MKNK1: variants seen among roughly 807,000 people sequenced by gnomAD.
MKNK1 encodes the protein MAP kinase-interacting serine/threonine-protein kinase 1.
Under a neutral mutation model 49.3 loss-of-function variants are expected in MKNK1, and 30 were observed. That is an observed-to-expected ratio of 0.61 (90% CI 0.46 to 0.83). MKNK1 has a LOEUF of 0.83. Among genes scored for constraint, MKNK1 ranks in the 40% least tolerant of loss-of-function variants. The pLI is 0.00. For synonymous variants in MKNK1, 176 were observed against 201.7 expected, an observed-to-expected ratio of 0.87 and a Z score of 1.08; for missense variants, 423 against 524.7, an observed-to-expected ratio of 0.81 and a Z score of 1.89.
chr1:46,580,537 G>A lies in MKNK1; in HGVS notation c.191C>T (p.Ala64Val), dbSNP rs1671576665. ...TTCAGCTGAGACACTCACTTTGACGGCATACTCTTTGCCATTCTGTAGGCT... is the reference window on the plus strand; with the variant it reads ...TTCAGCTGAGACACTCACTTTGACGACATACTCTTTGCCATTCTGTAGGCT... Reference protein sequence around the residue: ...AVSLQNGKEYAVKIIEKQAGH... With the variant: ...AVSLQNGKEYVVKIIEKQAGH... Residue 64 changes from alanine to valine, a missense_variant, in exon 4 of 13, where the codon GCC (alanine) becomes GTC (valine). Ala to Val is a moderately conservative substitution (Grantham distance 64). Transcript: ENST00000371945. The A allele has an allele frequency of 6.2e-7, 1 of 1,611,584 alleles. No individual in the cohort carries two copies.
chr1:46,582,813 C>T, intron 3 of MKNK1: 1 of 459,394 alleles, frequency 2.2e-6, no homozygotes, highest in South Asian at 1.6e-5. Context: ...TCTCTGCTTA[C>T]AGGAGACTGA....
At chr1:46,559,672 G>A (rs148295479) in intron 12 of MKNK1, 1 of 157,264 alleles carries the variant, frequency 6.4e-6, no homozygotes, top group African/African-American at 2.4e-5. Context: ...TGAGACAGAT[G>A]CTTGCTCTGT....
chr1:46,575,066 A>G (rs765598641), intron 5 of MKNK1, 46 bp from the exon 6 acceptor site: 2 of 1,258,520 alleles, frequency 1.6e-6, no homozygotes, highest in Non-Finnish European at 2.3e-6. Flanking sequence ...GGGAAATGGT[A>G]TTATATATTA....
At position 46,577,485 on chromosome 1, in the gene MKNK1, T is replaced by A. The variant is rs1000588784; in HGVS notation, c.199-831A>T. Among the ~76,000 whole-genome samples, 16 of 149,164 alleles carry A rather than the reference T, an allele frequency of 1.1e-4. No individual in the cohort carries two copies. The South Asian group carries it at 1.5e-3, about 14-fold the overall frequency. On this transcript the variant is annotated intron_variant, in intron 4 of 12. Coordinates refer to ENST00000371945, the MANE Select transcript of MKNK1 (RefSeq NM_001135553.4). ...AACAGAGAGACTCCATCTCAAAAAATAAATAAATAAATAAATAAATAAACA... is the reference window on the plus strand; with the variant it reads ...AACAGAGAGACTCCATCTCAAAAAAAAAATAAATAAATAAATAAATAAACA...
intron 8 of MKNK1, among the ~76,000 whole-genome samples, chr1:46,566,118 C>A (rs536689715): frequency 1.6e-4 from 25 of 152,332 alleles, no homozygotes; most frequent in Middle Eastern, 3.4e-3. Flanking sequence ...AAACTCTATA[C>A]GCATTAAGCA....
At chr1:46,599,140 A>G (rs1674427950) in intron 1 of MKNK1, among the ~76,000 whole-genome samples, 1 of 152,216 alleles carries the variant, frequency 6.6e-6, no homozygotes, top group Non-Finnish European at 1.5e-5. Flanking sequence ...CGACTCTGTG[A>G]ACCATAACTG....
chr1:46,586,281 C>A, intron 2 of MKNK1: 1 of 289,550 alleles, frequency 3.5e-6, no homozygotes, highest in Non-Finnish European at 6.9e-6. Context: ...AAAGCCGGCT[C>A]GATAGTCCCA....
chr1:46,602,229 T>C (rs1014234571), intron 1 of MKNK1, among the ~76,000 whole-genome samples: 1 of 152,146 alleles, frequency 6.6e-6, no homozygotes, highest in African/African-American at 2.4e-5. Context: ...CTGGCCAACA[T>C]GGCGAAACCC....
In MKNK1 at chr1:46,576,295, A is replaced by T. The variant is rs144545560; in HGVS notation, c.278+280T>A. On this transcript the variant is annotated intron_variant, in intron 5 of 12. Transcript: ENST00000371945. Reference sequence around the variant, plus strand: ...TTCCACAGGTACCGAAAGAAATAAAACCCCATTTCCCCCCAACAACCACTG... The same window carrying T: ...TTCCACAGGTACCGAAAGAAATAAATCCCCATTTCCCCCCAACAACCACTG... 1,206 of 350,736 alleles carry T rather than the reference A, an allele frequency of 3.4e-3. 11 individuals are homozygous for T. The highest frequency in any genetic ancestry group is 0.018 in the Middle Eastern group (21 of 1,156). 21.7% of individuals were successfully genotyped at this position (350,736 alleles called of 1,614,324 possible). A position where few individuals can be genotyped will look rare whatever the true frequency, so the allele number is the denominator to read the frequency against.
intron 8 of MKNK1, among the ~76,000 whole-genome samples, chr1:46,566,310 G>A (rs1262322730): frequency 6.6e-6 from 1 of 152,214 alleles, no homozygotes. Flanking sequence ...GTTCATTCAT[G>A]TTGCAGCATG....
At chr1:46,594,913 G>A in intron 1 of MKNK1, 1 of 383,740 alleles carries the variant, frequency 2.6e-6, no homozygotes, top group Non-Finnish European at 5.2e-6. Context: ...CTTGAGCCCA[G>A]GAGGTCGAGG....
intron 7 of MKNK1, among the ~76,000 whole-genome samples, chr1:46,570,553 T>G (rs1253405155): frequency 6.6e-6 from 1 of 152,198 alleles, no homozygotes; most frequent in African/African-American, 2.4e-5. Context: ...GCCACACTGG[T>G]CTGCACCGGA....
chr1:46,602,855 A>G (rs111851479), intron 1 of MKNK1, among the ~76,000 whole-genome samples: 6 of 152,294 alleles, frequency 3.9e-5, no homozygotes, highest in Non-Finnish European at 8.8e-5. Context: ...AAAAGGAACT[A>G]AGTAATTCAA....
At chr1:46,580,440 T>C in intron 4 of MKNK1, 90 bp downstream of exon 4, 1 of 924,450 alleles carries the variant, frequency 1.1e-6, no homozygotes, top group Non-Finnish European at 1.8e-6. Context: ...AGAGTCCCCA[T>C]TCTTATGGAA....
At chr1:46,595,394 TG>T (rs1398431709) in intron 1 of MKNK1, among the ~76,000 whole-genome samples, 1 of 152,128 alleles carries the variant, frequency 6.6e-6, no homozygotes, top group Non-Finnish European at 1.5e-5. Flanking sequence ...ATGCCCCAAG[TG>T]GGACTTGTGC....
At chr1:46,591,591 G>A (rs551582740) in intron 2 of MKNK1, among the ~76,000 whole-genome samples, 4 of 152,206 alleles carry the variant, frequency 2.6e-5, no homozygotes, top group East Asian at 1.9e-4. Flanking sequence ...GGGGAGCAGC[G>A]TGTAGAAAGC....
chr1:46,575,379 G>A, intron 5 of MKNK1: 1 of 179,302 alleles, frequency 5.6e-6, no homozygotes, highest in South Asian at 1.4e-4. Context: ...TGAATACTAG[G>A]TGTGTGTCCT....
intron 2 of MKNK1, among the ~76,000 whole-genome samples, chr1:46,586,472 T>C (rs1672587967): frequency 6.6e-6 from 1 of 152,200 alleles, no homozygotes; most frequent in African/African-American, 2.4e-5. Flanking sequence ...TATTTGGCCT[T>C]GAGTGCTCCC....
intron 7 of MKNK1, chr1:46,569,870 G>A (rs969420602): frequency 9.9e-5 from 15 of 152,176 alleles, no homozygotes; most frequent in African/African-American, 3.4e-4. Context: ...CCAAATAGGC[G>A]CCCATGGCCC....
Sources: gnomAD v4.1 joint callset for allele counts (sites outside exome capture counted in the v4.1 genomes callset) on GRCh38, gnomAD v4.1.1 for gene constraint, MANE v1.5 for transcripts, NCBI Gene and HGNC (gene_info 2026-07-23, HGNC 2026-07-21) for gene names.